KCTD16: variants seen among roughly 807,000 people sequenced by gnomAD.
KCTD16 encodes potassium channel tetramerization domain containing 16, also known as BTB/POZ domain-containing protein KCTD16.
KCTD16 carries 13 observed loss-of-function variants against 33.2 expected under a neutral mutation model. That is an observed-to-expected ratio of 0.39 (90% confidence interval 0.25 to 0.62). The LOEUF is 0.62. KCTD16 is among the 20% of genes least tolerant of loss of function. KCTD16 has a pLI of 0.50. For missense variants in KCTD16, 441 were observed against 525.1 expected (o/e 0.84, Z 1.57); for synonymous variants, 197 against 195.3 (o/e 1.01, Z -0.07).
At chr5:144,462,856 T>A (rs1445636134) in intron 3 of KCTD16, among the ~76,000 whole-genome samples, 1 of 152,176 alleles carries the variant, frequency 6.6e-6, no homozygotes, top group Non-Finnish European at 1.5e-5. Flanking sequence ...CTGTGTTAAG[T>A]GAATAAACCA....
intron 3 of KCTD16, among the ~76,000 whole-genome samples, chr5:144,421,763 G>A (rs1753217110): frequency 1.3e-5 from 2 of 152,104 alleles, no homozygotes; most frequent in Admixed American, 6.6e-5. Flanking sequence ...TGATAAAGAT[G>A]AGGAATGTGA....
intron 3 of KCTD16, among the ~76,000 whole-genome samples, chr5:144,315,142 GCAAGATC>G (rs1407100254): frequency 6.6e-6 from 1 of 152,132 alleles, no homozygotes; most frequent in Non-Finnish European, 1.5e-5. Flanking sequence ...TGCTTTGATG[GCAAGATC>G]CATGTTTTGT....
intron 3 of KCTD16, among the ~76,000 whole-genome samples, chr5:144,417,860 T>G (rs1753105691): frequency 6.6e-6 from 1 of 152,148 alleles, no homozygotes; most frequent in Non-Finnish European, 1.5e-5. Flanking sequence ...GTGTCTGGAA[T>G]TGGTTCCTTC....
At chr5:144,467,964 T>A (rs1050325944) in intron 3 of KCTD16, among the ~76,000 whole-genome samples, 1 of 152,104 alleles carries the variant, frequency 6.6e-6, no homozygotes, top group Non-Finnish European at 1.5e-5. Flanking sequence ...TAGAGGGTGC[T>A]AGAGGGAGAC....
intron 3 of KCTD16, among the ~76,000 whole-genome samples, chr5:144,259,691 A>G (rs1416397116): frequency 6.6e-6 from 1 of 152,162 alleles, no homozygotes; most frequent in Non-Finnish European, 1.5e-5. Flanking sequence ...GAAATGTTTG[A>G]TGTTGGCTGA....
At chr5:144,219,994 A>T (rs1370360159) in intron 3 of KCTD16, among the ~76,000 whole-genome samples, 1 of 151,970 alleles carries the variant, frequency 6.6e-6, no homozygotes, top group Non-Finnish European at 1.5e-5. Flanking sequence ...CTGGAGACAG[A>T]AAAAACATAT....
At chr5:144,256,293 A>G (rs1440980650) in intron 3 of KCTD16, among the ~76,000 whole-genome samples, 1 of 152,182 alleles carries the variant, frequency 6.6e-6, no homozygotes, top group African/African-American at 2.4e-5. Flanking sequence ...TTCTTTTTCT[A>G]TTATTTGGAG....
chr5:144,170,942 A>C lies in KCTD16; in HGVS notation c.-560A>C, dbSNP rs1752367327. ...AGACGGAGTCCCCTCTCCTGTCCACAAACTACAATGCCTACAATGCCTCGG... is the reference window on the plus strand; with the variant it reads ...AGACGGAGTCCCCTCTCCTGTCCACCAACTACAATGCCTACAATGCCTCGG... On this transcript the variant is annotated 5_prime_UTR_variant, in exon 1 of 4. Coordinates refer to ENST00000512467, the MANE Select transcript of KCTD16 (RefSeq NM_020768.4). 6.6e-6 allele frequency: 1 copy of C among 152,282 alleles called. No homozygotes were observed. The highest frequency in any genetic ancestry group is 1.5e-5 in the Non-Finnish European group (1 of 68,092). The allele number at this position is 152,282 out of a possible 1,614,324, so 9.4% of individuals were successfully genotyped here.
chr5:144,193,987 T>G (rs1323109501), intron 2 of KCTD16, among the ~76,000 whole-genome samples: 2 of 151,964 alleles, frequency 1.3e-5, no homozygotes, highest in Non-Finnish European at 2.9e-5. Context: ...GATATTTAGC[T>G]TAGGACTCGA....
chr5:144,439,764 G>C (rs2017862), intron 3 of KCTD16, among the ~76,000 whole-genome samples: 2 of 151,872 alleles, frequency 1.3e-5, no homozygotes, highest in Non-Finnish European at 2.9e-5. Flanking sequence ...TGGAAGAAGC[G>C]TCTGAGATTA....
intron 3 of KCTD16, among the ~76,000 whole-genome samples, chr5:144,417,644 T>G (rs1227495492): frequency 6.6e-6 from 1 of 152,166 alleles, no homozygotes; most frequent in Non-Finnish European, 1.5e-5. Context: ...TTTGTTTTTG[T>G]TTTTGCTTTT....
chr5:144,310,157 C>G (rs978502611), intron 3 of KCTD16, among the ~76,000 whole-genome samples: 14 of 151,914 alleles, frequency 9.2e-5, no homozygotes, highest in Non-Finnish European at 1.3e-4. Flanking sequence ...CAAAGTTTGC[C>G]TTTCTGTGTC....
chr5:144,340,401 CAAAAAAAAAAA>C (rs1208475292), intron 3 of KCTD16, among the ~76,000 whole-genome samples: 2 of 48,252 alleles, frequency 4.1e-5, no homozygotes, highest in Non-Finnish European at 9.5e-5. Context: ...GACTCCATCT[CAAAAAAAAAAA>C]AAAAAAAAAA....
At chr5:144,416,832 G>A (rs1753065059) in intron 3 of KCTD16, among the ~76,000 whole-genome samples, 1 of 151,998 alleles carries the variant, frequency 6.6e-6, no homozygotes, top group African/African-American at 2.4e-5. Context: ...TGTCTTTGTG[G>A]ATTTATTTTG....
intron 3 of KCTD16, among the ~76,000 whole-genome samples, chr5:144,328,906 C>A (rs1305507523): frequency 6.7e-6 from 1 of 148,302 alleles, no homozygotes; most frequent in African/African-American, 2.5e-5. Flanking sequence ...TTGCCTGATT[C>A]ATTGATGCCA....
intron 3 of KCTD16, among the ~76,000 whole-genome samples, chr5:144,225,752 C>T (rs1753912813): frequency 6.6e-6 from 1 of 152,274 alleles, no homozygotes; most frequent in East Asian, 1.9e-4. Flanking sequence ...TATGACTAAC[C>T]TGAAACTCTG....
chr5:144,205,235 C>A, intron 2 of KCTD16: 1 of 276,826 alleles, frequency 3.6e-6, no homozygotes, highest in Non-Finnish European at 6.7e-6. Flanking sequence ...GCGTGCCCAC[C>A]GCCGGAGCGC....
chr5:144,345,284 G>T (rs1162735931), intron 3 of KCTD16, among the ~76,000 whole-genome samples: 1 of 151,742 alleles, frequency 6.6e-6, no homozygotes, highest in Non-Finnish European at 1.5e-5. Context: ...CAGCACACCA[G>T]CATGGCACAT....
At chr5:144,328,259 A>G (rs72800588) in intron 3 of KCTD16, among the ~76,000 whole-genome samples, 2,176 of 152,296 alleles carry the variant, frequency 0.014, 22 homozygotes, top group Middle Eastern at 0.024. Flanking sequence ...AAAGTCACAC[A>G]TTAATATGAT....
Sources: allele counts gnomAD v4.1 joint callset (sites outside exome capture counted in the v4.1 genomes callset), GRCh38; gene constraint gnomAD v4.1.1; transcripts MANE v1.5; gene names NCBI Gene and HGNC (gene_info 2026-07-23, HGNC 2026-07-21).